STRN3: variants seen among roughly 807,000 people sequenced by gnomAD.
The protein encoded by STRN3 is striatin-3.
STRN3 carries 29 observed loss-of-function variants against 95.6 expected under a neutral mutation model. That is an observed-to-expected ratio of 0.30 (90% CI 0.23 to 0.41). The LOEUF (loss-of-function observed/expected upper bound fraction) is 0.41. STRN3 is among the 10% of genes least tolerant of loss of function. The pLI, the probability that STRN3 is intolerant of heterozygous loss-of-function variation, is 1.00. For missense variants in STRN3, 890 were observed against 972.1 expected (o/e 0.92, Z 1.12); for synonymous variants, 331 against 357.6 (o/e 0.93, Z 0.84).
intron 1 of STRN3, among the ~76,000 whole-genome samples, chr14:30,961,396 ACAGGGGTCC>A (rs1880198352): frequency 6.6e-6 from 1 of 152,234 alleles, no homozygotes; most frequent in Non-Finnish European, 1.5e-5. Flanking sequence ...TGCATATACA[ACAGGGGTCC>A]CATATGATTA....
At chr14:30,929,381 T>C in intron 7 of STRN3, 70 bp from the exon 8 acceptor site, 2 of 1,136,308 alleles carry the variant, frequency 1.8e-6, no homozygotes, top group Non-Finnish European at 2.6e-6. Flanking sequence ...CAGTAAACTG[T>C]TATAGCTTTA....
At chr14:31,010,165 A>G (rs757454647) in intron 1 of STRN3, among the ~76,000 whole-genome samples, 1 of 152,182 alleles carries the variant, frequency 6.6e-6, no homozygotes, top group Non-Finnish European at 1.5e-5. Context: ...GGAAATAGGA[A>G]AAAGACAAAC....
intron 5 of STRN3, among the ~76,000 whole-genome samples, chr14:30,939,653 T>C (rs1878997398): frequency 6.6e-6 from 1 of 152,114 alleles, no homozygotes; most frequent in Admixed American, 6.6e-5. Flanking sequence ...TAGTTCTAAA[T>C]AAATTGACAA....
In STRN3 at chr14:31,024,980, A is replaced by G. The variant is rs996622545; in HGVS notation, c.282+924T>C. 13 of 152,264 alleles carry G rather than the reference A, an allele frequency of 8.5e-5. 1 individual carries two copies. Among genetic ancestry groups the G allele is most frequent in the African/African-American group, 2.9e-4 (12 of 41,466 alleles). 9.4% of individuals were successfully genotyped at this position (152,264 alleles called of 1,614,324 possible). A position where few individuals can be genotyped will look rare whatever the true frequency, so the allele number is the denominator to read the frequency against. On this transcript the variant is annotated intron_variant, in intron 1 of 17. Coordinates refer to ENST00000357479, the MANE Select transcript of STRN3 (RefSeq NM_001083893.2). ...CCAACAGCTTCCAAATGTGCAGCCT[A>G]TCAAAGGTTCACATTATGAGGATCG...
At chr14:30,982,751 A>G (rs753392907) in intron 1 of STRN3, among the ~76,000 whole-genome samples, 5 of 152,172 alleles carry the variant, frequency 3.3e-5, no homozygotes, top group Non-Finnish European at 5.9e-5. Flanking sequence ...GAGCTATTTT[A>G]ATGGTACTTT....
At chr14:31,019,754 A>C (rs757784836) in intron 1 of STRN3, among the ~76,000 whole-genome samples, 11 of 152,210 alleles carry the variant, frequency 7.2e-5, no homozygotes, top group Non-Finnish European at 1.6e-4. Context: ...CACAGCATTC[A>C]TAATATATGC....
At chr14:31,002,699 T>C (rs536873988) in intron 1 of STRN3, among the ~76,000 whole-genome samples, 66 of 151,224 alleles carry the variant, frequency 4.4e-4, no homozygotes, top group African/African-American at 1.5e-3. Context: ...TGGATGAACC[T>C]TAAGGACACA....
chr14:30,973,620 T>C (rs1594521958), intron 1 of STRN3, among the ~76,000 whole-genome samples: 2 of 152,186 alleles, frequency 1.3e-5, no homozygotes, highest in Admixed American at 6.5e-5. Flanking sequence ...CAACTCATTC[T>C]ATGAGGCCAG....
chr14:30,968,016 T>G (rs1443491145), intron 1 of STRN3, among the ~76,000 whole-genome samples: 2 of 152,130 alleles, frequency 1.3e-5, no homozygotes, highest in Admixed American at 1.3e-4. Flanking sequence ...TCCTCAAACG[T>G]GTGAGCTATT....
At position 30,951,936 on chromosome 14, in the gene STRN3, G is replaced by A. The variant is rs541339686; in HGVS notation, c.461-992C>T. ...AATTCAACACCAGCCTGAGCAACACGGTGAAACGCCGTCTCTAGCAAAAAT... is the reference window on the plus strand; with the variant it reads ...AATTCAACACCAGCCTGAGCAACACAGTGAAACGCCGTCTCTAGCAAAAAT... On this transcript the variant is annotated intron_variant, in intron 3 of 17. Transcript: ENST00000357479. Among the ~76,000 whole-genome samples the A allele has an allele frequency of 2.6e-5, 4 of 152,056 alleles. No individual in the cohort carries two copies. The South Asian group carries it at 8.3e-4, about 32-fold the overall frequency.
Position 30,966,700 on chromosome 14 carries a change from GATC to G in STRN3, c.283-10461_283-10459del, listed in dbSNP as rs1443794226. On this transcript the variant is annotated intron_variant, in intron 1 of 17. Coordinates refer to ENST00000357479, the MANE Select transcript of STRN3 (RefSeq NM_001083893.2). ...GGGCTAAATGTGTGCGTGCGTGAATGATCATCAACAACCCTGCTTGCGGTGTTG... is the reference window on the plus strand; with the variant it reads ...GGGCTAAATGTGTGCGTGCGTGAATGATCAACAACCCTGCTTGCGGTGTTG... Among the ~76,000 whole-genome samples, 18 of 152,180 alleles carry G rather than the reference GATC, an allele frequency of 1.2e-4. 1 individual carries two copies. The highest frequency in any genetic ancestry group is 8.5e-4 in the Admixed American group (13 of 15,282).
intron 5 of STRN3, among the ~76,000 whole-genome samples, chr14:30,940,306 C>T (rs941126508): frequency 6.6e-6 from 1 of 152,062 alleles, no homozygotes; most frequent in Non-Finnish European, 1.5e-5. Flanking sequence ...TCCTTCTTGA[C>T]TTAGTCTCTC....
intron 3 of STRN3, among the ~76,000 whole-genome samples, chr14:30,952,619 G>A (rs1353616167): frequency 6.6e-6 from 1 of 152,000 alleles, no homozygotes; most frequent in Non-Finnish European, 1.5e-5. Flanking sequence ...AGGATTGCAT[G>A]AGCCTGGGAG....
At position 30,968,384 on chromosome 14, in the gene STRN3, TAA is replaced by T. The variant is rs71112364; in HGVS notation, c.283-12144_283-12143del. On this transcript the variant is annotated intron_variant, in intron 1 of 17. Coordinates refer to ENST00000357479, the MANE Select transcript of STRN3 (RefSeq NM_001083893.2). Reference sequence around the variant, plus strand: ...TGTCCTAAAATAAGATTAACTGGTTTAAAAAAAAAAAAAAAAAACAGGCGTGG... The same window carrying T: ...TGTCCTAAAATAAGATTAACTGGTTTAAAAAAAAAAAAAAAACAGGCGTGG... 2.1e-3 allele frequency among the ~76,000 whole-genome samples: 290 copies of T among 136,756 alleles called. 1 individual carries two copies. Among genetic ancestry groups the T allele is most frequent in the Middle Eastern group, 3.8e-3 (1 of 266 alleles). 89.7% of individuals were successfully genotyped at this position (136,756 alleles called of 152,430 possible).
At chr14:30,940,815 A>G (rs532016148) in intron 5 of STRN3, among the ~76,000 whole-genome samples, 1 of 152,026 alleles carries the variant, frequency 6.6e-6, no homozygotes, top group South Asian at 2.1e-4. Flanking sequence ...GACCCTCTCA[A>G]CTTGATCTTT....
At chr14:30,912,927 T>C (rs1566431465) in intron 10 of STRN3, among the ~76,000 whole-genome samples, 1 of 152,132 alleles carries the variant, frequency 6.6e-6, no homozygotes, top group East Asian at 1.9e-4. Context: ...AAAACTGCAA[T>C]TAACATAAAG....
chr14:30,986,052 ATCTT>A (rs1271354470), intron 1 of STRN3, among the ~76,000 whole-genome samples: 3 of 152,178 alleles, frequency 2.0e-5, no homozygotes, highest in Non-Finnish European at 2.9e-5. Context: ...GGAGAGAATG[ATCTT>A]TCTATTAAAG....
intron 1 of STRN3, among the ~76,000 whole-genome samples, chr14:30,989,741 A>G (rs1881861855): frequency 6.6e-6 from 1 of 152,080 alleles, no homozygotes; most frequent in Non-Finnish European, 1.5e-5. Flanking sequence ...TACAGGCGTG[A>G]GCCACCGCGC....
At chr14:30,991,926 T>TA (rs1157782531) in intron 1 of STRN3, among the ~76,000 whole-genome samples, 88 of 88,326 alleles carry the variant, frequency 1.0e-3, no homozygotes, top group African/African-American at 2.8e-3. Flanking sequence ...TCTCTATTCT[T>TA]TAAAAAAAAA....
Sources: gnomAD v4.1 joint callset for allele counts (sites outside exome capture counted in the v4.1 genomes callset) on GRCh38, gnomAD v4.1.1 for gene constraint, MANE v1.5 for transcripts, NCBI Gene and HGNC (gene_info 2026-07-23, HGNC 2026-07-21) for gene names.